Variants in COL19A1 observed in about 807,000 individuals in gnomAD.
The protein encoded by COL19A1 is collagen alpha-1(XIX) chain.
In COL19A1, 159 loss-of-function variants were observed where a neutral mutation model predicts 190.2. The ratio of observed to expected loss-of-function variants is 0.84; its 90% confidence interval spans 0.73 to 0.95. The LOEUF (loss-of-function observed/expected upper bound fraction) is 0.95. Ranked by LOEUF, COL19A1 falls within the 40% of genes least tolerant of loss-of-function variation. The pLI is 0.00. For synonymous variants in COL19A1, 509 were observed against 458.9 expected (o/e 1.11, Z -1.39); for missense variants, 1,418 against 1,431.9 (o/e 0.99, Z 0.16).
intron 2 of COL19A1, chr6:69,891,173 C>G (rs2149960170): frequency 6.8e-6 from 1 of 146,318 alleles, no homozygotes; most frequent in South Asian, 2.2e-4. Context: ...CCAGTTTGCA[C>G]AGGGAGAGGG....
At chr6:69,914,846 T>C (rs932231841) in intron 4 of COL19A1, among the ~76,000 whole-genome samples, 1 of 152,242 alleles carries the variant, frequency 6.6e-6, no homozygotes, top group African/African-American at 2.4e-5. Context: ...ACATCATTTA[T>C]GAAATGAAAT....
In COL19A1 at chr6:70,154,471, C is replaced by G. The variant is rs976570554; in HGVS notation, c.2080-1656C>G. On this transcript the variant is annotated intron_variant, in intron 31 of 50. Coordinates refer to ENST00000620364, the MANE Select transcript of COL19A1 (RefSeq NM_001858.6). Reference sequence around the variant, plus strand: ...TGATTTATAATCCTTTGGGTATATACCCAGTAATGGGATTGCTGTAACCCA... The same window carrying G: ...TGATTTATAATCCTTTGGGTATATAGCCAGTAATGGGATTGCTGTAACCCA... Among the ~76,000 whole-genome samples the G allele has an allele frequency of 3.3e-5, 5 of 152,092 alleles. No homozygotes were observed. The South Asian group carries it at 1.0e-3, about 32-fold the overall frequency.
At chr6:70,193,304 A>C (rs1335703767) in intron 48 of COL19A1, among the ~76,000 whole-genome samples, 1 of 152,160 alleles carries the variant, frequency 6.6e-6, no homozygotes, top group Non-Finnish European at 1.5e-5. Context: ...CAGTCTTCAG[A>C]GGAGGCAGGT....
At chr6:69,929,902 T>TTTA (rs1269473490) in intron 6 of COL19A1, among the ~76,000 whole-genome samples, 3 of 152,168 alleles carry the variant, frequency 2.0e-5, no homozygotes, top group Non-Finnish European at 4.4e-5. Flanking sequence ...TTCACTCCAT[T>TTTA]TTATACCCAT....
intron 46 of COL19A1, among the ~76,000 whole-genome samples, chr6:70,185,379 A>G (rs541957613): frequency 6.6e-6 from 1 of 152,312 alleles, no homozygotes; most frequent in African/African-American, 2.4e-5. Flanking sequence ...TGTGACAACC[A>G]AAAGTGTCTC....
intron 14 of COL19A1, among the ~76,000 whole-genome samples, chr6:70,045,315 A>C (rs1330142250): frequency 2.5e-5 from 3 of 118,330 alleles, no homozygotes; most frequent in Non-Finnish European, 5.0e-5. Flanking sequence ...TCTGTCTCAA[A>C]AAAAAAAAAA....
intron 49 of COL19A1, among the ~76,000 whole-genome samples, chr6:70,202,599 T>C (rs1308049840): frequency 6.6e-6 from 1 of 152,194 alleles, no homozygotes; most frequent in African/African-American, 2.4e-5. Context: ...TAAAGGGGTT[T>C]CATAAGGTTT....
intron 16 of COL19A1, among the ~76,000 whole-genome samples, chr6:70,107,854 A>G (rs1784066245): frequency 6.6e-6 from 1 of 152,072 alleles, no homozygotes; most frequent in Admixed American, 6.6e-5. Flanking sequence ...TTCCTTTACC[A>G]TCTGAGCTGT....
At chr6:70,166,128 C>A in intron 37 of COL19A1, 143 bp downstream of exon 37, 2 of 740,030 alleles carry the variant, frequency 2.7e-6, no homozygotes, top group South Asian at 3.2e-5. Context: ...GCCAATGTAG[C>A]TTTAAAGAGA....
intron 15 of COL19A1, among the ~76,000 whole-genome samples, chr6:70,080,954 G>A (rs1782209765): frequency 6.6e-6 from 1 of 152,136 alleles, no homozygotes; most frequent in Non-Finnish European, 1.5e-5. Context: ...CTTTGCAGCT[G>A]TTGCCATAGA....
At chr6:70,184,994 G>A in intron 46 of COL19A1, 79 bp downstream of exon 46, 1 of 1,364,726 alleles carries the variant, frequency 7.3e-7, no homozygotes. Context: ...ACAATTATGT[G>A]TGTAGACCCC....
intron 49 of COL19A1, among the ~76,000 whole-genome samples, chr6:70,201,851 A>G (rs1233605011): frequency 1.3e-5 from 2 of 152,220 alleles, no homozygotes; most frequent in Non-Finnish European, 2.9e-5. Context: ...CTGAAAAGAA[A>G]GAAAATGAGA....
chr6:69,877,480 T>C (rs1488465142), intron 1 of COL19A1, among the ~76,000 whole-genome samples: 2 of 152,130 alleles, frequency 1.3e-5, no homozygotes, highest in African/African-American at 2.4e-5. Context: ...ATTTTTTCTT[T>C]ATAAACATAA....
chr6:69,875,689 C>T (rs1429620715), intron 1 of COL19A1, among the ~76,000 whole-genome samples: 1 of 152,138 alleles, frequency 6.6e-6, no homozygotes, highest in East Asian at 1.9e-4. Flanking sequence ...GTAGTAATTA[C>T]TGAGACTGGG....
At chr6:69,888,345 T>C (rs1187605452) in intron 2 of COL19A1, among the ~76,000 whole-genome samples, 1 of 152,184 alleles carries the variant, frequency 6.6e-6, no homozygotes, top group Non-Finnish European at 1.5e-5. Flanking sequence ...TTTGCCAGCA[T>C]GTTGGGCTTC....
intron 16 of COL19A1, among the ~76,000 whole-genome samples, chr6:70,117,067 T>C (rs1244722813): frequency 6.6e-6 from 1 of 152,138 alleles, no homozygotes; most frequent in African/African-American, 2.4e-5. Context: ...AGGAAAATAG[T>C]TCAAGATTGA....
intron 11 of COL19A1, among the ~76,000 whole-genome samples, chr6:70,010,205 G>C (rs1777901736): frequency 6.6e-6 from 1 of 152,050 alleles, no homozygotes; most frequent in Non-Finnish European, 1.5e-5. Context: ...TATATAAATA[G>C]CTCTAAACAA....
At chr6:70,188,333 A>G in intron 47 of COL19A1, 88 bp downstream of exon 47, 2 of 1,428,144 alleles carry the variant, frequency 1.4e-6, no homozygotes, top group Non-Finnish European at 1.9e-6. Flanking sequence ...TGCCTTTCAA[A>G]TAAATAAAAC....
intron 18 of COL19A1, chr6:70,131,269 G>A (rs963343855): frequency 9.3e-6 from 2 of 215,322 alleles, no homozygotes; most frequent in African/African-American, 2.3e-5. Flanking sequence ...TCATTCACCT[G>A]TAAAAATTCT....
Sources: gnomAD v4.1 joint callset for allele counts (sites outside exome capture counted in the v4.1 genomes callset) on GRCh38, gnomAD v4.1.1 for gene constraint, MANE v1.5 for transcripts, NCBI Gene and HGNC (gene_info 2026-07-23, HGNC 2026-07-21) for gene names.